Variants in CRB1 observed in about 807,000 individuals in gnomAD.
CRB1 encodes the protein crumbs cell polarity complex component 1, also known as protein crumbs homolog 1.
A neutral mutation model predicts 120.0 loss-of-function variants in CRB1; 83 were observed. That is an observed-to-expected ratio of 0.69 (90% confidence interval 0.58 to 0.83). The LOEUF (loss-of-function observed/expected upper bound fraction) is 0.83. Ranked by LOEUF, CRB1 falls within the 40% of genes least tolerant of loss-of-function variation. The probability of loss-of-function intolerance (pLI) is 0.00; values close to 1 mark genes in which losing one functional copy is unlikely to be tolerated. For missense variants in CRB1, 1,699 were observed against 1,687.6 expected (o/e 1.01, Z -0.12); for synonymous variants, 625 against 612.5 (o/e 1.02, Z -0.30).
chr1:197,389,393 A>G (rs577207132), intron 5 of CRB1, among the ~76,000 whole-genome samples: 169 of 152,312 alleles, frequency 1.1e-3, no homozygotes, highest in African/African-American at 3.7e-3. Context: ...ATATGCTACA[A>G]CATAGATGAA....
rs142458114 is a variant in CRB1 at position 197,421,595 on chromosome 1, G to T, written c.1767G>T (p.Glu589Asp). 1 of 1,614,092 alleles carries T rather than the reference G, an allele frequency of 6.2e-7. No homozygotes were observed. The highest frequency in any genetic ancestry group is 1.3e-5 in the African/African-American group (1 of 74,922). Residue 589 changes from glutamate to aspartate, a missense_variant, in exon 6 of 12, where the codon GAG becomes GAT. By Grantham distance (45) the Glu-to-Asp change is conservative. Transcript: ENST00000367400. Reference protein sequence around the residue: ...TLTLIDDSCKEKCIAKAPTPL... With the variant: ...TLTLIDDSCKDKCIAKAPTPL... ...CCTTAATCGACGACTCCTGTAAGGA[G>T]AAATGCATCGCGAAAGCTCCTACTC... is the stretch of plus-strand genomic sequence containing the variant.
At chr1:197,272,289 A>G (rs1654949791) in intron 1 of CRB1, among the ~76,000 whole-genome samples, 1 of 152,136 alleles carries the variant, frequency 6.6e-6, no homozygotes, top group African/African-American at 2.4e-5. Context: ...AGAAAAAGGT[A>G]TCTTTTTGCT....
intron 3 of CRB1, 103 bp downstream of exon 3, chr1:197,344,579 T>C (rs1285089378): frequency 4.4e-6 from 5 of 1,124,858 alleles, no homozygotes; most frequent in South Asian, 2.5e-5. Flanking sequence ...GGCTTAAAAT[T>C]TGGGGTGTAA....
chr1:197,318,953 G>A (rs1295980275), intron 1 of CRB1, among the ~76,000 whole-genome samples: 3 of 152,092 alleles, frequency 2.0e-5, no homozygotes, highest in Admixed American at 6.5e-5. Context: ...TAACAACAAT[G>A]TATTATATGT....
chr1:197,222,341 C>G, the CRB1 span: 2 of 739,920 alleles, frequency 2.7e-6, no homozygotes, highest in Non-Finnish European at 5.1e-6. Flanking sequence ...GAATCCCAGA[C>G]GTGGCTGCAT....
intron 11 of CRB1, among the ~76,000 whole-genome samples, chr1:197,446,336 A>G (rs1174914841): frequency 6.6e-6 from 1 of 152,166 alleles, no homozygotes. Flanking sequence ...CCTGAAGCCT[A>G]AGCTAAGACT....
intron 11 of CRB1, among the ~76,000 whole-genome samples, chr1:197,477,123 A>C (rs1378840368): frequency 6.6e-6 from 1 of 152,236 alleles, no homozygotes; most frequent in Non-Finnish European, 1.5e-5. Context: ...TCCGAATCAG[A>C]GTGATTCCTT....
chr1:197,266,075 T>G (rs1315021746), upstream of CRB1, among the ~76,000 whole-genome samples: 4 of 152,238 alleles, frequency 2.6e-5, no homozygotes, highest in African/African-American at 4.8e-5. Context: ...TCTAGTTTCT[T>G]GATTTGCCCA....
chr1:197,407,028 A>G (rs941992815), intron 5 of CRB1, among the ~76,000 whole-genome samples: 8 of 152,186 alleles, frequency 5.3e-5, no homozygotes, highest in Non-Finnish European at 8.8e-5. Flanking sequence ...TCTCTCTTCC[A>G]TATTTATTAA....
chr1:197,362,376 C>A (rs1478303537), intron 5 of CRB1, among the ~76,000 whole-genome samples: 1 of 152,004 alleles, frequency 6.6e-6, no homozygotes, highest in Non-Finnish European at 1.5e-5. Flanking sequence ...CAATTAAATC[C>A]CATTGACTGA....
At chr1:197,258,560 C>T in the CRB1 span, among the ~76,000 whole-genome samples, 1 of 152,200 alleles carries the variant, frequency 6.6e-6, no homozygotes, top group Non-Finnish European at 1.5e-5. Flanking sequence ...TTTCCTGCAG[C>T]ATTACCACTG....
At chr1:197,306,731 G>A (rs1354441254) in intron 1 of CRB1, among the ~76,000 whole-genome samples, 1 of 152,140 alleles carries the variant, frequency 6.6e-6, no homozygotes, top group Admixed American at 6.5e-5. Context: ...AAATCACACA[G>A]AAAGGCATGA....
intron 4 of CRB1, among the ~76,000 whole-genome samples, chr1:197,355,768 A>T (rs868438306): frequency 6.6e-6 from 1 of 151,542 alleles, no homozygotes; most frequent in African/African-American, 2.4e-5. Context: ...TCCCACACAC[A>T]TCTGTCCCTC....
the CRB1 span, among the ~76,000 whole-genome samples, chr1:197,257,528 T>C: frequency 1.3e-5 from 2 of 152,162 alleles, no homozygotes; most frequent in Non-Finnish European, 2.9e-5. Flanking sequence ...CTATTTGTTA[T>C]ATAGTTTTCT....
chr1:197,412,823 A>C lies in CRB1; in HGVS notation c.1172-8177A>C, dbSNP rs146161263. Among the ~76,000 whole-genome samples the C allele has an allele frequency of 1.4e-4, 22 of 152,374 alleles. No individual in the cohort carries two copies. The East Asian group carries it at 4.2e-3, about 29-fold the overall frequency. On this transcript the variant is annotated intron_variant, in intron 5 of 11. Transcript: ENST00000367400. ...AATAAGTTTTAAATATGAATGAATA[A>C]TAAATGAATGAATACATGCACTATT...
rs750059176 is a variant in CRB1, at chr1:197,344,275, T to A, written c.653-6T>A. On this transcript the variant is annotated splice_region_variant and splice_polypyrimidine_tract_variant and intron_variant, in intron 2 of 11. Coordinates refer to ENST00000367400, the MANE Select transcript of CRB1 (RefSeq NM_201253.3). Reference sequence around the variant, plus strand: ...TCTGTTTTTTCTGTGCTGACTTTTTTAAAAGGTGTAAACTGTGAATTGGAA... The same window carrying A: ...TCTGTTTTTTCTGTGCTGACTTTTTAAAAAGGTGTAAACTGTGAATTGGAA... 30 of 1,614,020 alleles carry A rather than the reference T, an allele frequency of 1.9e-5. No individual in the cohort carries two copies. Among genetic ancestry groups the A allele is most frequent in the Non-Finnish European group, 2.4e-5 (28 of 1,179,964 alleles).
At chr1:197,346,029 A>G (rs916885540) in intron 3 of CRB1, among the ~76,000 whole-genome samples, 5 of 152,158 alleles carry the variant, frequency 3.3e-5, no homozygotes, top group African/African-American at 1.2e-4. Context: ...TTACCCTTCC[A>G]TACTTCACTG....
At chr1:197,476,204 T>C (rs1171165684) in intron 11 of CRB1, among the ~76,000 whole-genome samples, 2 of 151,744 alleles carry the variant, frequency 1.3e-5, no homozygotes, top group Non-Finnish European at 2.9e-5. Context: ...GCCACCGAGA[T>C]TGTCTCATTA....
At chr1:197,389,064 T>G (rs2125411664) in intron 5 of CRB1, among the ~76,000 whole-genome samples, 1 of 152,180 alleles carries the variant, frequency 6.6e-6, no homozygotes, top group South Asian at 2.1e-4. Flanking sequence ...AAATATCAAG[T>G]GTTGGTGAGG....
Sources: allele counts gnomAD v4.1 joint callset (sites outside exome capture counted in the v4.1 genomes callset), GRCh38; gene constraint gnomAD v4.1.1; transcripts MANE v1.5; gene names NCBI Gene and HGNC (gene_info 2026-07-23, HGNC 2026-07-21).